NIPBL: variants seen among roughly 807,000 people sequenced by gnomAD.
NIPBL encodes the protein NIPBL cohesin loading factor, also known as nipped-B-like protein.
A neutral mutation model predicts 321.8 loss-of-function variants in NIPBL; 19 were observed. The observed-to-expected ratio is 0.06, with a 90% CI of 0.04 to 0.09. The LOEUF is 0.09. Ranked by LOEUF, NIPBL falls within the 10% of genes least tolerant of loss-of-function variation. NIPBL has a pLI of 1.00. For synonymous variants in NIPBL, 1,106 were observed against 1,114.1 expected (o/e 0.99, Z 0.14); for missense variants, 2,210 against 3,327.0 (o/e 0.66, Z 8.26).
intron 33 of NIPBL, among the ~76,000 whole-genome samples, 168 bp downstream of exon 33, chr5:37,036,655 TAG>T (rs1751729480): frequency 6.6e-6 from 1 of 150,878 alleles, no homozygotes; most frequent in East Asian, 1.9e-4. Context: ...TGTTGCATCC[TAG>T]ATTATATTAA....
chr5:36,895,132 G>T (rs1006045125), intron 1 of NIPBL, among the ~76,000 whole-genome samples: 2 of 152,056 alleles, frequency 1.3e-5, no homozygotes, highest in Non-Finnish European at 2.9e-5. Flanking sequence ...AAAAAACCAC[G>T]TTTCCATTAG....
chr5:36,955,508 C>T lies in NIPBL; in HGVS notation c.101C>T (p.Ala34Val). 3.7e-6 allele frequency: 6 copies of T among 1,613,916 alleles called. No individual in the cohort carries two copies. Among genetic ancestry groups the T allele is most frequent in the Non-Finnish European group, 5.1e-6 (6 of 1,179,840 alleles). Reference protein sequence around the residue: ...NQLPLPSPLPATTTKSLLFNA... With the variant: ...NQLPLPSPLPVTTTKSLLFNA... The stretch of plus-strand genomic sequence containing the variant: ...CTGCCTCTTCCATCTCCTTTACCTG[C>T]TACAACTACAAAGAGCCTTCTCTTT... Residue 34 changes from alanine to valine, a missense_variant, in exon 3 of 47, where the codon GCT becomes GTT. Ala to Val is a moderately conservative substitution (Grantham distance 64, BLOSUM62 0). Around this residue, in one of 14 missense-constraint regions of NIPBL, gnomAD observed 28 missense variants for 65.5 expected, o/e 0.43. Transcript: ENST00000282516.
rs1431765136 is a variant in NIPBL, at chr5:36,984,191, T to C, written c.1496-485T>C. 3.3e-5 allele frequency among the ~76,000 whole-genome samples: 5 copies of C among 152,166 alleles called. No homozygotes were observed. The East Asian group carries it at 7.7e-4, about 23-fold the overall frequency. Reference sequence around the variant, plus strand: ...TTTCTTTCTTTTTTTTCCATACTTATCTTAGATACAGTAAAAACTTATATT... The same window carrying C: ...TTTCTTTCTTTTTTTTCCATACTTACCTTAGATACAGTAAAAACTTATATT... On this transcript the variant is annotated intron_variant, in intron 9 of 46. Coordinates refer to ENST00000282516, the MANE Select transcript of NIPBL (RefSeq NM_133433.4).
intron 33 of NIPBL, among the ~76,000 whole-genome samples, chr5:37,038,144 C>T (rs1751933033): frequency 6.6e-6 from 1 of 152,044 alleles, no homozygotes; most frequent in Non-Finnish European, 1.5e-5. Context: ...TGCACATCAC[C>T]ACACCGGGCT....
At position 36,917,324 on chromosome 5, in the gene NIPBL, C is replaced by A. The variant is rs537434461; in HGVS notation, c.-79-36294C>A. Among the ~76,000 whole-genome samples the A allele has an allele frequency of 9.0e-3, 1,367 of 152,266 alleles. 20 individuals carry two copies. The highest frequency in any genetic ancestry group is 0.031 in the African/African-American group (1,291 of 41,536). ...AGTGTCTGTTCATATCCTTCGCCCCCTTTTTGATGGGGTTGTTTTTTTCTT... is the reference window on the plus strand; with the variant it reads ...AGTGTCTGTTCATATCCTTCGCCCCATTTTTGATGGGGTTGTTTTTTTCTT... On this transcript the variant is annotated intron_variant, in intron 1 of 46. Transcript: ENST00000282516.
intron 7 of NIPBL, 177 bp from the exon 8 acceptor site, chr5:36,971,768 A>G: frequency 1.0e-6 from 1 of 972,182 alleles, no homozygotes; most frequent in African/African-American, 1.8e-5. Flanking sequence ...TCTTTTGGAT[A>G]CAATTTCAAT....
At chr5:37,000,729 T>C (rs1746694417) in intron 12 of NIPBL, 88 bp from the exon 13 acceptor site, 4 of 1,338,254 alleles carry the variant, frequency 3.0e-6, no homozygotes, top group South Asian at 2.5e-5. Context: ...TTTAAGTCTT[T>C]AACGTTCAGG....
At chr5:36,905,828 C>G (rs1002247079) in intron 1 of NIPBL, among the ~76,000 whole-genome samples, 17 of 151,910 alleles carry the variant, frequency 1.1e-4, no homozygotes, top group Non-Finnish European at 8.8e-5. Flanking sequence ...ACTGCAAGCT[C>G]CGCCTCCCGG....
Position 36,985,666 on chromosome 5 carries a change from A to ATTC in NIPBL, c.2486_2487insTTC (p.Glu829delinsAspSer). 1 of 1,613,996 alleles carries ATTC rather than the reference A, an allele frequency of 6.2e-7. No individual in the cohort carries two copies. The highest frequency in any genetic ancestry group is 8.5e-7 in the Non-Finnish European group (1 of 1,179,968). On this transcript the variant is annotated protein_altering_variant, in exon 10 of 47. Coordinates refer to ENST00000282516, the MANE Select transcript of NIPBL (RefSeq NM_133433.4). ...AAACAAAAATCAGATGACAGGGGTG[A>ATTC]ATCAGAGCGACATCGAGGGGATCAG...
intron 15 of NIPBL, 85 bp downstream of exon 15, chr5:37,002,850 T>A: frequency 1.2e-6 from 1 of 817,416 alleles, no homozygotes; most frequent in Non-Finnish European, 2.0e-6. Context: ...ATTATAAAAT[T>A]TATGTAAAGT....
At chr5:36,929,984 C>T (rs1366512547) in intron 1 of NIPBL, among the ~76,000 whole-genome samples, 1 of 151,932 alleles carries the variant, frequency 6.6e-6, no homozygotes, top group East Asian at 1.9e-4. Flanking sequence ...ATTACTGTAG[C>T]TTCATAGTAA....
chr5:36,977,356 C>G (rs538188488), intron 9 of NIPBL, among the ~76,000 whole-genome samples: 1 of 151,632 alleles, frequency 6.6e-6, no homozygotes, highest in Non-Finnish European at 1.5e-5. Context: ...ATGATGTGTT[C>G]AGTGTTTGAC....
At chr5:36,971,685 A>G (rs1435501427) in intron 7 of NIPBL, 2 of 368,190 alleles carry the variant, frequency 5.4e-6, no homozygotes, top group Non-Finnish European at 7.5e-6. Flanking sequence ...CCTTTTGTAG[A>G]AAAAAGCAAA....
At chr5:36,933,597 A>G (rs150045281) in intron 1 of NIPBL, among the ~76,000 whole-genome samples, 1,646 of 152,254 alleles carry the variant, frequency 0.011, 16 homozygotes, top group Middle Eastern at 0.051. Context: ...ATGTCAATCT[A>G]ATGGTAATTT....
chr5:36,920,771 G>A (rs1344304929), intron 1 of NIPBL, among the ~76,000 whole-genome samples: 5 of 151,662 alleles, frequency 3.3e-5, no homozygotes, highest in Admixed American at 6.6e-5. Context: ...TATACTTTAT[G>A]TGGCATCTTT....
intron 1 of NIPBL, among the ~76,000 whole-genome samples, chr5:36,938,704 T>C (rs1205185987): frequency 6.6e-6 from 1 of 152,150 alleles, no homozygotes; most frequent in Non-Finnish European, 1.5e-5. Flanking sequence ...TTTGAAATAA[T>C]GTAAATCCAT....
intron 6 of NIPBL, among the ~76,000 whole-genome samples, chr5:36,965,320 A>G (rs751642369): frequency 1.4e-4 from 22 of 152,132 alleles, no homozygotes; most frequent in Non-Finnish European, 3.1e-4. Flanking sequence ...GTATGTATAC[A>G]CAATGGAATA....
Position 37,036,412 on chromosome 5 carries a change from C to A in NIPBL, c.5896C>A (p.Pro1966Thr). 7.0e-7 allele frequency: 1 copy of A among 1,422,616 alleles called. No individual in the cohort carries two copies. Among genetic ancestry groups the A allele is most frequent in the Non-Finnish European group, 9.3e-7 (1 of 1,076,100 alleles). 88.1% of individuals were successfully genotyped at this position (1,422,616 alleles called of 1,614,324 possible). A position where few individuals can be genotyped will look rare whatever the true frequency, so the allele number is the denominator to read the frequency against. Reference sequence around the variant, plus strand: ...GTCCGAAGAGGATTCCTCATATAAACCTGTGAAGAAAGCTTGTACTCAACT... The same window carrying A: ...GTCCGAAGAGGATTCCTCATATAAAACTGTGAAGAAAGCTTGTACTCAACT... ...LKSEEDSSYK[P>T]VKKACTQLVD... is the part of the protein sequence containing the mutation. The change falls in exon 33 of 47, where the codon CCT (proline) becomes ACT (threonine). Residue 1966 changes from proline (P) to threonine (T), a missense_variant. Pro to Thr is a conservative substitution (Grantham distance 38). Coordinates refer to ENST00000282516, the MANE Select transcript of NIPBL (RefSeq NM_133433.4).
chr5:36,915,542 T>C (rs1460688837), intron 1 of NIPBL, among the ~76,000 whole-genome samples: 1 of 152,126 alleles, frequency 6.6e-6, no homozygotes, highest in Admixed American at 6.6e-5. Flanking sequence ...GATTGGAGTT[T>C]TGTTCTCAAA....
Sources: allele counts gnomAD v4.1 joint callset (sites outside exome capture counted in the v4.1 genomes callset), GRCh38; gene constraint gnomAD v4.1.1; regional missense constraint gnomAD v4.1.1; transcripts MANE v1.5; gene names NCBI Gene and HGNC (gene_info 2026-07-23, HGNC 2026-07-21).